Variants in CCSER1 observed in about 807,000 individuals in gnomAD.
The protein encoded by CCSER1 is coiled-coil serine rich protein 1.
Under a neutral mutation model 82.0 loss-of-function variants are expected in CCSER1, and 41 were observed. The observed-to-expected ratio is 0.50, with a 90% confidence interval of 0.39 to 0.65. The LOEUF is 0.65. CCSER1 is among the 30% of genes least tolerant of loss of function. CCSER1 has a pLI of 0.00. For missense variants in CCSER1, 1,119 were observed against 1,064.2 expected (o/e 1.05, Z -0.72); for synonymous variants, 414 against 383.9 (o/e 1.08, Z -0.92).
At chr4:90,658,568 T>C (rs1169339464) in intron 6 of CCSER1, among the ~76,000 whole-genome samples, 1 of 152,208 alleles carries the variant, frequency 6.6e-6, no homozygotes, top group Admixed American at 6.5e-5. Flanking sequence ...ATTTGACAAA[T>C]GACCCCAAGG....
At position 90,771,505 on chromosome 4, in the gene CCSER1, G is replaced by A. The variant is rs1210838525; in HGVS notation, c.2011-44257G>A. On this transcript the variant is annotated intron_variant, in intron 7 of 10. Transcript: ENST00000509176. ...CTATTTCTTTTCTTTTAGCTAGAAAGGTATAACGTTAAAACCCTTTTACCA... is the reference window on the plus strand; with the variant it reads ...CTATTTCTTTTCTTTTAGCTAGAAAAGTATAACGTTAAAACCCTTTTACCA... Among the ~76,000 whole-genome samples the A allele has an allele frequency of 4.9e-5, 7 of 142,124 alleles. No homozygotes were observed. In the Admixed American group the frequency reaches 5.0e-4, roughly 10 times the overall value. 93.2% of individuals were successfully genotyped at this position (142,124 alleles called of 152,430 possible). A position where few individuals can be genotyped will look rare whatever the true frequency, so the allele number is the denominator to read the frequency against.
At chr4:90,249,067 C>T (rs1721926223) in intron 1 of CCSER1, among the ~76,000 whole-genome samples, 1 of 99,684 alleles carries the variant, frequency 1.0e-5, no homozygotes, top group Non-Finnish European at 1.8e-5. Context: ...ATTATAATTA[C>T]AGGAAAATAA....
At chr4:91,565,016 G>T (rs2110264811) in intron 10 of CCSER1, among the ~76,000 whole-genome samples, 1 of 139,616 alleles carries the variant, frequency 7.2e-6, no homozygotes, top group South Asian at 2.3e-4. Flanking sequence ...AGTCTTTAAT[G>T]CACCTTGAGT....
intron 10 of CCSER1, among the ~76,000 whole-genome samples, chr4:91,190,563 G>A (rs573762571): frequency 9.2e-5 from 14 of 152,100 alleles, no homozygotes; most frequent in Non-Finnish European, 1.6e-4. Flanking sequence ...TCAGGATGAT[G>A]TATTTTAAGG....
intron 3 of CCSER1, chr4:90,325,636 C>T (rs922288534): frequency 4.4e-6 from 2 of 449,586 alleles, no homozygotes; most frequent in African/African-American, 4.0e-5. Context: ...AGATGCTTCA[C>T]AATTTGCAGC....
chr4:91,579,163 C>T (rs543102733), intron 10 of CCSER1, among the ~76,000 whole-genome samples: 1 of 151,518 alleles, frequency 6.6e-6, no homozygotes, highest in South Asian at 2.1e-4. Context: ...TTTCTGAGCA[C>T]ATGAGGATGG....
intron 5 of CCSER1, among the ~76,000 whole-genome samples, chr4:90,494,235 C>T (rs1185542674): frequency 1.3e-5 from 2 of 152,146 alleles, no homozygotes; most frequent in Non-Finnish European, 2.9e-5. Flanking sequence ...TATATATGCA[C>T]CCAATACAGG....
At chr4:91,307,184 A>G (rs1220433871) in intron 10 of CCSER1, among the ~76,000 whole-genome samples, 1 of 151,916 alleles carries the variant, frequency 6.6e-6, no homozygotes, top group Non-Finnish European at 1.5e-5. Flanking sequence ...TTAATAAAAT[A>G]TTTCTGTGTT....
intron 10 of CCSER1, among the ~76,000 whole-genome samples, chr4:91,577,340 G>T (rs1229181317): frequency 6.6e-6 from 1 of 151,842 alleles, no homozygotes; most frequent in Non-Finnish European, 1.5e-5. Flanking sequence ...GGGGAGAGAA[G>T]ATCAGTGTTT....
chr4:90,364,804 C>T (rs1242727014), intron 3 of CCSER1, among the ~76,000 whole-genome samples: 1 of 151,704 alleles, frequency 6.6e-6, no homozygotes, highest in East Asian at 1.9e-4. Flanking sequence ...ATGTGGAGCT[C>T]ACACTGAAAA....
chr4:91,560,793 G>GTAGTT (rs1312697066), intron 10 of CCSER1, among the ~76,000 whole-genome samples: 1 of 151,170 alleles, frequency 6.6e-6, no homozygotes, highest in Non-Finnish European at 1.5e-5. Context: ...TTCTTTTCCA[G>GTAGTT]TAGTTTATTA....
At chr4:91,217,376 G>A (rs1737331394) in intron 10 of CCSER1, among the ~76,000 whole-genome samples, 2 of 152,004 alleles carry the variant, frequency 1.3e-5, no homozygotes, top group Non-Finnish European at 2.9e-5. Flanking sequence ...AGATACAAAG[G>A]TTCTCCACCT....
chr4:91,008,323 T>G (rs1161969550), intron 9 of CCSER1, among the ~76,000 whole-genome samples: 3 of 152,200 alleles, frequency 2.0e-5, no homozygotes, highest in Non-Finnish European at 4.4e-5. Flanking sequence ...TTTCTACTAT[T>G]ATTGTGTAGT....
intron 10 of CCSER1, among the ~76,000 whole-genome samples, chr4:91,447,996 C>A (rs1755663988): frequency 6.6e-6 from 1 of 151,944 alleles, no homozygotes. Context: ...GTTCATATTA[C>A]TTTCAGTGTA....
intron 4 of CCSER1, among the ~76,000 whole-genome samples, chr4:90,400,709 T>C (rs149952545): frequency 0.01 from 1,544 of 152,280 alleles, 17 homozygotes; most frequent in South Asian, 0.03. Flanking sequence ...TTGTAATGGC[T>C]TAAATTTATA....
At chr4:91,297,391 G>GTGTA (rs1744291096) in intron 10 of CCSER1, among the ~76,000 whole-genome samples, 2 of 99,466 alleles carry the variant, frequency 2.0e-5, no homozygotes, top group African/African-American at 7.8e-5. Flanking sequence ...GTGTATGTGT[G>GTGTA]TGTGTGTGTG....
intron 5 of CCSER1, among the ~76,000 whole-genome samples, chr4:90,574,753 A>G (rs1190210552): frequency 6.6e-6 from 1 of 151,832 alleles, no homozygotes; most frequent in East Asian, 1.9e-4. Context: ...AGAATATCAT[A>G]ATGACATTTT....
At chr4:90,411,129 T>A (rs937292271) in intron 4 of CCSER1, among the ~76,000 whole-genome samples, 5 of 152,208 alleles carry the variant, frequency 3.3e-5, no homozygotes, top group African/African-American at 1.2e-4. Context: ...GAGGCAATAA[T>A]TAATAGCCTA....
At chr4:91,181,360 A>G (rs1310175702) in intron 10 of CCSER1, among the ~76,000 whole-genome samples, 1 of 152,246 alleles carries the variant, frequency 6.6e-6, no homozygotes, top group Non-Finnish European at 1.5e-5. Context: ...GTTTTTATCT[A>G]TTTTAATGGG....
Sources: allele counts gnomAD v4.1 joint callset (sites outside exome capture counted in the v4.1 genomes callset), GRCh38; gene constraint gnomAD v4.1.1; transcripts MANE v1.5; gene names NCBI Gene and HGNC (gene_info 2026-07-23, HGNC 2026-07-21).